STAB2: variants seen among roughly 807,000 people sequenced by gnomAD.
The protein encoded by STAB2 is stabilin 2.
A neutral mutation model predicts 338.1 loss-of-function variants in STAB2; 288 were observed. The ratio of observed to expected loss-of-function variants is 0.85; its 90% confidence interval spans 0.77 to 0.94. The LOEUF (loss-of-function observed/expected upper bound fraction) is 0.94. Ranked by LOEUF, STAB2 falls within the 40% of genes least tolerant of loss-of-function variation. The pLI, the probability that STAB2 is intolerant of heterozygous loss-of-function variation, is 0.00. For synonymous variants in STAB2, 1,202 were observed against 1,193.3 expected (o/e 1.01, Z -0.15); for missense variants, 3,141 against 3,210.1 (o/e 0.98, Z 0.52).
rs759000935 is a variant in STAB2, at chr12:103,690,455, G to A, written c.3214G>A (p.Ala1072Thr). 4 of 1,613,954 alleles carry A rather than the reference G, an allele frequency of 2.5e-6. No individual in the cohort carries two copies. Among genetic ancestry groups the A allele is most frequent in the Non-Finnish European group, 3.4e-6 (4 of 1,179,952 alleles). ...YHMLLGTYRV[A>T]DLQTLSSSDM... is the part of the protein sequence containing the mutation. ...TATGCTACTAGGCACATACAGAGTG[G>A]CAGATCTGCAGACCCTGTCTTCTTC... is the stretch of plus-strand genomic sequence containing the variant. The change falls in exon 30 of 69, where the codon GCA (alanine) becomes ACA (threonine). Residue 1072 changes from alanine to threonine, a missense_variant. By Grantham distance (58) the Ala-to-Thr change is moderately conservative. Transcript: ENST00000388887.
intron 15 of STAB2, among the ~76,000 whole-genome samples, chr12:103,657,404 A>T (rs1041377832): frequency 1.2e-4 from 19 of 152,148 alleles, no homozygotes; most frequent in African/African-American, 4.6e-4. Flanking sequence ...CTAGAATAGG[A>T]AAAAATCAAC....
intron 57 of STAB2, chr12:103,746,325 T>C (rs1333650369): frequency 7.1e-6 from 2 of 282,650 alleles, no homozygotes; most frequent in Admixed American, 9.3e-5. Flanking sequence ...TTTTGTGGTA[T>C]AAAGTTTTAA....
In STAB2 at chr12:103,726,177, ATGTC is replaced by A; in HGVS notation, c.4851+20_4851+23del. 6.2e-7 allele frequency: 1 copy of A among 1,613,694 alleles called. No homozygotes were observed. Among genetic ancestry groups the A allele is most frequent in the South Asian group, 1.1e-5 (1 of 91,082 alleles). On this transcript the variant is annotated intron_variant, in intron 46 of 68. Transcript: ENST00000388887. ...TTCCAGTTGCAGGTAGGAAATATAC[ATGTC>A]TGTCTAGCCATAAGAGTTCAGCCTA...
At chr12:103,710,413 A>G (rs1879746293) in intron 39 of STAB2, among the ~76,000 whole-genome samples, 1 of 152,068 alleles carries the variant, frequency 6.6e-6, no homozygotes, top group South Asian at 2.1e-4. Flanking sequence ...GACTATAACA[A>G]AGAAGACAAC....
At chr12:103,607,245 T>G (rs1306459381) in intron 3 of STAB2, among the ~76,000 whole-genome samples, 2 of 152,098 alleles carry the variant, frequency 1.3e-5, no homozygotes, top group African/African-American at 4.8e-5. Flanking sequence ...TCAAATACAT[T>G]TTCTCCCTTC....
intron 41 of STAB2, among the ~76,000 whole-genome samples, chr12:103,713,031 C>A (rs1459587907): frequency 6.6e-6 from 1 of 152,168 alleles, no homozygotes; most frequent in African/African-American, 2.4e-5. Flanking sequence ...AACTTAGACT[C>A]CCCAGGTTTG....
chr12:103,727,355 G>T lies in STAB2; in HGVS notation c.4935+5G>T. The stretch of plus-strand genomic sequence containing the variant: ...GCCTTTGATGAGGAAGCTCGGGTGA[G>T]CATGAGACTGTGGGCAGAAGGGGGA... On this transcript the variant is annotated splice_donor_5th_base_variant and intron_variant, in intron 47 of 68. Coordinates refer to ENST00000388887, the MANE Select transcript of STAB2 (RefSeq NM_017564.10). 1.2e-6 allele frequency: 2 copies of T among 1,614,210 alleles called. No individual in the cohort carries two copies. Among genetic ancestry groups the T allele is most frequent in the Non-Finnish European group, 1.7e-6 (2 of 1,180,004 alleles).
intron 3 of STAB2, among the ~76,000 whole-genome samples, chr12:103,618,279 A>G (rs1957241928): frequency 6.6e-6 from 1 of 152,210 alleles, no homozygotes; most frequent in South Asian, 2.1e-4. Context: ...GAGACCCCAG[A>G]GAGCTCCCTC....
intron 68 of STAB2, among the ~76,000 whole-genome samples, chr12:103,765,875 CAAG>C (rs1364259226): frequency 1.1e-4 from 16 of 152,264 alleles, no homozygotes; most frequent in African/African-American, 2.6e-4. Context: ...CTCAGGCACT[CAAG>C]AGCCACCACT....
intron 36 of STAB2, among the ~76,000 whole-genome samples, chr12:103,705,194 G>A (rs1484048526): frequency 4.6e-5 from 7 of 152,096 alleles, no homozygotes; most frequent in Non-Finnish European, 8.8e-5. Flanking sequence ...CAACCATACA[G>A]ATGTTCTCAT....
intron 9 of STAB2, among the ~76,000 whole-genome samples, chr12:103,647,552 C>T (rs553254829): frequency 6.6e-6 from 1 of 152,206 alleles, no homozygotes; most frequent in South Asian, 2.1e-4. Context: ...TCAATTTCAG[C>T]CAGCTGTCAA....
chr12:103,725,766 C>T (rs1176024618), intron 45 of STAB2, among the ~76,000 whole-genome samples: 1 of 152,188 alleles, frequency 6.6e-6, no homozygotes, highest in African/African-American at 2.4e-5. Context: ...CAAAAATGTT[C>T]CGGCTGATCA....
At chr12:103,729,202 G>C (rs1211762548) in intron 48 of STAB2, among the ~76,000 whole-genome samples, 1 of 152,234 alleles carries the variant, frequency 6.6e-6, no homozygotes, top group Non-Finnish European at 1.5e-5. Flanking sequence ...CTAGTGGAGG[G>C]TGGAGAGTGG....
intron 61 of STAB2, among the ~76,000 whole-genome samples, chr12:103,753,815 C>T (rs922941072): frequency 3.3e-5 from 5 of 152,146 alleles, no homozygotes; most frequent in Admixed American, 1.3e-4. Flanking sequence ...GCAATACCCA[C>T]GAGCCTAGGG....
At chr12:103,692,587 C>G (rs1566019988) in intron 30 of STAB2, among the ~76,000 whole-genome samples, 1 of 150,940 alleles carries the variant, frequency 6.6e-6, no homozygotes, top group African/African-American at 2.4e-5. Flanking sequence ...CTCTCTCTCT[C>G]TCTCTGTCTC....
intron 21 of STAB2, among the ~76,000 whole-genome samples, chr12:103,669,935 A>G (rs958438788): frequency 3.3e-5 from 5 of 152,170 alleles, no homozygotes; most frequent in Admixed American, 6.5e-5. Context: ...ACCTGCATTG[A>G]TCTTCAAGAC....
At chr12:103,661,857 G>A (rs1874648732) in intron 17 of STAB2, among the ~76,000 whole-genome samples, 1 of 152,164 alleles carries the variant, frequency 6.6e-6, no homozygotes, top group Non-Finnish European at 1.5e-5. Context: ...AAAGGGAGAA[G>A]AGTAGGAAAG....
chr12:103,745,347 G>T, intron 57 of STAB2, 70 bp downstream of exon 57: 1 of 1,385,660 alleles, frequency 7.2e-7, no homozygotes, highest in Non-Finnish European at 9.8e-7. Flanking sequence ...GCATACAAGT[G>T]AGGTTGGGAG....
At chr12:103,702,253 G>A (rs901848885) in intron 34 of STAB2, among the ~76,000 whole-genome samples, 3 of 151,406 alleles carry the variant, frequency 2.0e-5, no homozygotes, top group African/African-American at 7.3e-5. Flanking sequence ...CGCTAAACAA[G>A]GACAGATATA....
Sources: allele counts gnomAD v4.1 joint callset (sites outside exome capture counted in the v4.1 genomes callset), GRCh38; gene constraint gnomAD v4.1.1; transcripts MANE v1.5; gene names NCBI Gene and HGNC (gene_info 2026-07-23, HGNC 2026-07-21).